CHLSN: variants seen among roughly 807,000 people sequenced by gnomAD.
CHLSN encodes the protein protein cholesin.
At chr7:1,098,157 A>G in the CHLSN span, among the ~76,000 whole-genome samples, 1 of 152,202 alleles carries the variant, frequency 6.6e-6, no homozygotes, top group Admixed American at 6.5e-5. Flanking sequence ...TGCAGAGGGA[A>G]AAGACGGGAC....
At chr7:991,256 C>A in the CHLSN span, among the ~76,000 whole-genome samples, 1 of 152,238 alleles carries the variant, frequency 6.6e-6, no homozygotes, top group South Asian at 2.1e-4. Flanking sequence ...TAACCCCAAC[C>A]CCAACCCTGA....
chr7:1,072,448 C>T, the CHLSN span, among the ~76,000 whole-genome samples: 1 of 152,206 alleles, frequency 6.6e-6, no homozygotes, highest in Non-Finnish European at 1.5e-5. Flanking sequence ...AAATGGGGTC[C>T]AGTCAAGGAA....
the CHLSN span, among the ~76,000 whole-genome samples, chr7:1,072,519 T>C: frequency 1.2e-3 from 184 of 152,312 alleles, 1 homozygote; most frequent in African/African-American, 4.3e-3. Flanking sequence ...TAATTAGATA[T>C]GATCATTGCA....
chr7:1,015,856 G>A, the CHLSN span, among the ~76,000 whole-genome samples: 17 of 152,322 alleles, frequency 1.1e-4, no homozygotes, highest in East Asian at 1.9e-3. Flanking sequence ...AGTGCTGACC[G>A]CCACTCTCCT....
the CHLSN span, among the ~76,000 whole-genome samples, chr7:1,095,806 C>T: frequency 3.3e-5 from 5 of 152,254 alleles, no homozygotes; most frequent in Non-Finnish European, 7.3e-5. Context: ...CTGTAGCACT[C>T]GGCAACCCCT....
chr7:1,116,719 G>A, the CHLSN span, among the ~76,000 whole-genome samples: 2 of 48,636 alleles, frequency 4.1e-5, 1 homozygote, highest in Non-Finnish European at 6.8e-5. Flanking sequence ...TTCCATCACC[G>A]ACGTCCACGC....
chr7:1,053,523 C>T, the CHLSN span, among the ~76,000 whole-genome samples: 4 of 152,196 alleles, frequency 2.6e-5, no homozygotes, highest in African/African-American at 9.7e-5. Context: ...CCCTGCAGCT[C>T]CCAGCCTTCA....
At chr7:1,033,566 A>C in the CHLSN span, among the ~76,000 whole-genome samples, 16,428 of 152,216 alleles carry the variant, frequency 0.11, 1,163 homozygotes, top group Middle Eastern at 0.2. Flanking sequence ...TCTCAAAAAA[A>C]AAAAAAATAC....
At chr7:987,635 C>T in the CHLSN span, 1 of 1,137,714 alleles carries the variant, frequency 8.8e-7, no homozygotes, top group Non-Finnish European at 1.2e-6. Flanking sequence ...GCCTGATGGC[C>T]CAGCGCTCCC....
the CHLSN span, among the ~76,000 whole-genome samples, chr7:1,089,138 G>GT: frequency 6.6e-6 from 1 of 152,136 alleles, no homozygotes; most frequent in Non-Finnish European, 1.5e-5. Flanking sequence ...CCTCTGTGCC[G>GT]TTTTTAAGAA....
At chr7:1,017,967 C>G in the CHLSN span, among the ~76,000 whole-genome samples, 1 of 152,356 alleles carries the variant, frequency 6.6e-6, no homozygotes, top group African/African-American at 2.4e-5. Context: ...AAGAAAATAA[C>G]TCCAGCAGGT....
chr7:1,047,080 G>A, the CHLSN span, among the ~76,000 whole-genome samples: 16,234 of 152,154 alleles, frequency 0.11, 1,152 homozygotes, highest in Middle Eastern at 0.2. Context: ...GTTTTTCCCT[G>A]GTCTGATGTA....
chr7:1,136,989 A>C, the CHLSN span, among the ~76,000 whole-genome samples: 3 of 152,022 alleles, frequency 2.0e-5, no homozygotes, highest in Non-Finnish European at 2.9e-5. Context: ...ACCACCTCTC[A>C]CGATGGCTTT....
the CHLSN span, among the ~76,000 whole-genome samples, chr7:1,102,605 A>G: frequency 1.3e-5 from 2 of 151,156 alleles, no homozygotes; most frequent in African/African-American, 4.9e-5. Flanking sequence ...GCAGGAGCGG[A>G]CGTTTATTAA....
chr7:1,021,235 T>G, the CHLSN span: 9 of 309,274 alleles, frequency 2.9e-5, no homozygotes, highest in Non-Finnish European at 3.8e-5. Context: ...GACCCCCAGG[T>G]TGGGAACCTC....
the CHLSN span, among the ~76,000 whole-genome samples, chr7:992,120 G>A: frequency 2.6e-5 from 4 of 152,128 alleles, no homozygotes; most frequent in South Asian, 2.1e-4. Flanking sequence ...CATGGCTCAC[G>A]ACGTGGCTGA....
chr7:1,062,859 G>A, the CHLSN span, among the ~76,000 whole-genome samples: 1 of 152,158 alleles, frequency 6.6e-6, no homozygotes, highest in Non-Finnish European at 1.5e-5. Context: ...ACGTGAACAT[G>A]CCCATTTCAC....
At chr7:1,115,919 C>T in the CHLSN span, among the ~76,000 whole-genome samples, 11 of 118,822 alleles carry the variant, frequency 9.3e-5, 2 homozygotes, top group African/African-American at 3.3e-4. Flanking sequence ...AGGATGACAT[C>T]ACTAAAGCTC....
the CHLSN span, chr7:997,531 T>G: frequency 8.7e-7 from 1 of 1,150,090 alleles, no homozygotes; most frequent in Non-Finnish European, 1.2e-6. Context: ...GCTGCCCTGC[T>G]GGTGAACCCG....
Sources: allele counts gnomAD v4.1 joint callset (sites outside exome capture counted in the v4.1 genomes callset), GRCh38; gene constraint gnomAD v4.1.1; transcripts MANE v1.5; gene names NCBI Gene and HGNC (gene_info 2026-07-23, HGNC 2026-07-21).